The following HSD17B12 variants were observed in gnomAD, a reference collection of about 807,000 sequenced individuals.
HSD17B12 encodes very-long-chain 3-oxoacyl-CoA reductase.
In HSD17B12, 32 loss-of-function variants were observed where a neutral mutation model predicts 39.3. The ratio of observed to expected loss-of-function variants is 0.81; its 90% CI spans 0.61 to 1.09. The LOEUF (loss-of-function observed/expected upper bound fraction) is 1.09. Among genes scored for constraint, HSD17B12 ranks in the 50% least tolerant of loss-of-function variants. HSD17B12 has a pLI of 0.00. For missense variants in HSD17B12, 342 were observed against 382.9 expected (o/e 0.89, Z 0.89); for synonymous variants, 150 against 146.7 (o/e 1.02, Z -0.16).
intron 6 of HSD17B12, among the ~76,000 whole-genome samples, chr11:43,817,788 T>A (rs1000967057): frequency 2.6e-5 from 4 of 152,050 alleles, no homozygotes; most frequent in Non-Finnish European, 5.9e-5. Context: ...TGCCTCCAGA[T>A]TTGTCCTTTT....
At chr11:43,852,212 A>G (rs1951538852) in intron 9 of HSD17B12, 1 of 152,202 alleles carries the variant, frequency 6.6e-6, no homozygotes, top group Non-Finnish European at 1.5e-5. Flanking sequence ...GTTTAGCTGC[A>G]TGAAGAGTTA....
intron 9 of HSD17B12, among the ~76,000 whole-genome samples, chr11:43,844,399 A>G (rs1951455748): frequency 6.6e-6 from 1 of 152,178 alleles, no homozygotes. Flanking sequence ...ACACAGTAAC[A>G]ACAACAAGTG....
intron 9 of HSD17B12, among the ~76,000 whole-genome samples, chr11:43,848,047 C>T (rs1019616302): frequency 2.0e-5 from 3 of 152,012 alleles, no homozygotes; most frequent in Non-Finnish European, 4.4e-5. Context: ...AAACGGCTAC[C>T]GGGATTACAA....
chr11:43,734,174 C>CAG, intron 1 of HSD17B12: 2 of 1,570,890 alleles, frequency 1.3e-6, no homozygotes, highest in South Asian at 1.2e-5. Context: ...ACTAATCACC[C>CAG]AGAGAGAGCT....
intron 3 of HSD17B12, among the ~76,000 whole-genome samples, chr11:43,757,014 G>C (rs544404553): frequency 2.1e-3 from 323 of 152,298 alleles, no homozygotes; most frequent in Non-Finnish European, 3.6e-3. Context: ...AATAGGAGAG[G>C]TGATATCAGC....
At position 43,824,617 on chromosome 11, in the gene HSD17B12, A is replaced by G. The variant is rs866209983; in HGVS notation, c.502-6359A>G. ...CACCAATACCACGTGTGAGGGTGGA[A>G]CCCTCATGATGTAATCATTTCTCAA... On this transcript the variant is annotated intron_variant, in intron 6 of 10. Transcript: ENST00000278353. Among the ~76,000 whole-genome samples the G allele has an allele frequency of 9.9e-5, 15 of 152,272 alleles. No individual in the cohort carries two copies. In the Middle Eastern group the frequency reaches 0.01, roughly 104 times the overall value.
intron 1 of HSD17B12, among the ~76,000 whole-genome samples, chr11:43,737,905 C>G (rs1266528755): frequency 1.3e-5 from 2 of 151,982 alleles, no homozygotes; most frequent in Non-Finnish European, 2.9e-5. Context: ...AACCTCATCT[C>G]TACTAAAAAT....
the HSD17B12 span, among the ~76,000 whole-genome samples, chr11:43,610,777 C>T: frequency 2.0e-5 from 3 of 152,146 alleles, no homozygotes; most frequent in Non-Finnish European, 4.4e-5. Context: ...TTTAAAAAAT[C>T]ATTGCTGTAT....
intron 3 of HSD17B12, among the ~76,000 whole-genome samples, chr11:43,785,751 AT>A (rs1031546361): frequency 3.3e-5 from 5 of 152,146 alleles, no homozygotes; most frequent in Admixed American, 2.6e-4. Context: ...AATTATATCA[AT>A]TTTTTACACT....
At chr11:43,795,508 C>T (rs1950908484) in intron 3 of HSD17B12, among the ~76,000 whole-genome samples, 1 of 152,164 alleles carries the variant, frequency 6.6e-6, no homozygotes, top group African/African-American at 2.4e-5. Flanking sequence ...AACCATGTCC[C>T]TGGTCAATAG....
chr11:43,631,018 T>G, the HSD17B12 span, among the ~76,000 whole-genome samples: 1 of 152,192 alleles, frequency 6.6e-6, no homozygotes, highest in Non-Finnish European at 1.5e-5. Flanking sequence ...TTGGTCAGGC[T>G]GGTCTCGAAC....
chr11:43,785,085 A>G (rs1016567421), intron 3 of HSD17B12, among the ~76,000 whole-genome samples: 2 of 118,084 alleles, frequency 1.7e-5, no homozygotes, highest in Non-Finnish European at 3.8e-5. Context: ...TCAGCCAGCT[A>G]AGTAAACAGG....
chr11:43,659,116 C>T, the HSD17B12 span, among the ~76,000 whole-genome samples: 1 of 152,230 alleles, frequency 6.6e-6, no homozygotes, highest in Non-Finnish European at 1.5e-5. Context: ...CCCAGCCTCG[C>T]TGCTGCCTTG....
intron 9 of HSD17B12, 191 bp from the exon 10 acceptor site, chr11:43,854,524 T>C: frequency 1.8e-6 from 1 of 553,064 alleles, no homozygotes; most frequent in Admixed American, 3.2e-5. Flanking sequence ...AGAGATTGAT[T>C]TGTTACAATT....
At chr11:43,783,854 AAAT>A (rs1315383917) in intron 3 of HSD17B12, among the ~76,000 whole-genome samples, 1 of 152,208 alleles carries the variant, frequency 6.6e-6, no homozygotes, top group South Asian at 2.1e-4. Flanking sequence ...ACTCACTTAA[AAAT>A]AATAACAGTA....
chr11:43,563,251 G>A, the HSD17B12 span, among the ~76,000 whole-genome samples: 2 of 152,312 alleles, frequency 1.3e-5, no homozygotes, highest in African/African-American at 4.8e-5. Flanking sequence ...CATGGATGCT[G>A]CTTGCCATTG....
chr11:43,573,571 T>TA, the HSD17B12 span, among the ~76,000 whole-genome samples: 2 of 152,188 alleles, frequency 1.3e-5, no homozygotes, highest in African/African-American at 4.8e-5. Context: ...AACGCTACCT[T>TA]ACTTGTTAGG....
the HSD17B12 span, among the ~76,000 whole-genome samples, chr11:43,592,859 T>C: frequency 2.0e-5 from 3 of 152,114 alleles, no homozygotes; most frequent in African/African-American, 4.8e-5. Flanking sequence ...GGATCCTTTT[T>C]TGATCTCACA....
At chr11:43,584,670 C>G in the HSD17B12 span, 1 of 152,238 alleles carries the variant, frequency 6.6e-6, no homozygotes, top group Admixed American at 6.6e-5. Context: ...ACTTAGAAGT[C>G]CCAGGTGAGT....
Sources: allele counts gnomAD v4.1 joint callset (sites outside exome capture counted in the v4.1 genomes callset), GRCh38; gene constraint gnomAD v4.1.1; transcripts MANE v1.5; gene names NCBI Gene and HGNC (gene_info 2026-07-23, HGNC 2026-07-21).